Variants in MAP1A observed in about 807,000 individuals in gnomAD.
MAP1A encodes the protein microtubule associated protein 1A, also known as microtubule-associated protein 1A.
In MAP1A, 42 loss-of-function variants were observed where a neutral mutation model predicts 185.9. The ratio of observed to expected loss-of-function variants is 0.23; its 90% CI spans 0.18 to 0.29. The LOEUF (loss-of-function observed/expected upper bound fraction) is 0.29. Ranked by LOEUF, MAP1A falls within the 10% of genes least tolerant of loss-of-function variation. The probability of loss-of-function intolerance (pLI) is 1.00; values close to 1 mark genes in which losing one functional copy is unlikely to be tolerated. For missense variants in MAP1A, 2,995 were observed against 3,450.4 expected, an observed-to-expected ratio of 0.87 and a Z score of 3.31; for synonymous variants, 1,229 against 1,335.9, an observed-to-expected ratio of 0.92 and a Z score of 1.74.
rs754740781 is a variant in MAP1A, at chr15:43,528,219, G to A, written c.6746G>A (p.Arg2249Gln). The change falls in exon 4 of 6, where the codon CGA (arginine) becomes CAA (glutamine). Residue 2249 changes from arginine to glutamine, a missense_variant. Arg to Gln is a conservative substitution (Grantham distance 43, BLOSUM62 1). Coordinates refer to ENST00000300231, the MANE Select transcript of MAP1A (RefSeq NM_002373.6). The part of the protein sequence containing the change: ...PGAPLLSNLP[R>Q]PASPALSEGS... The stretch of plus-strand genomic sequence containing the variant: ...GCCCCTCTCCTCTCCAATCTGCCAC[G>A]ACCTGCCTCACCAGCCCTGTCTGAG... 6.8e-6 allele frequency: 11 copies of A among 1,613,976 alleles called. No homozygotes were observed. The highest frequency in any genetic ancestry group is 6.7e-5 in the East Asian group (3 of 44,880).
At chr15:43,512,998 G>A (rs769183004), upstream of MAP1A, among the ~76,000 whole-genome samples, 18 of 152,284 alleles carry the variant, frequency 1.2e-4, no homozygotes, top group Non-Finnish European at 2.2e-4. Flanking sequence ...CATGACAGAT[G>A]TCTGTGAGGT....
Position 43,526,525 on chromosome 15 carries a change from G to A in MAP1A, c.5052G>A (p.Arg1684=), listed in dbSNP as rs748672840. The stretch of plus-strand genomic sequence containing the variant: ...CTGAGCAGGACAATAGGTATTGGAG[G>A]GGCAGAGAGGATGTGGCCTTGGAAC... The part of the protein sequence containing the change: ...TSPEQDNRYW[R]GREDVALEQD... Residue 1684 remains arginine, a synonymous_variant, in exon 4 of 6, where the codon AGG becomes AGA. Coordinates refer to ENST00000300231, the MANE Select transcript of MAP1A (RefSeq NM_002373.6). The surrounding 1 kb of genome is among the most constrained non-coding windows in gnomAD (Gnocchi z 4.7). 6.2e-7 allele frequency: 1 copy of A among 1,614,124 alleles called. No individual in the cohort carries two copies. The highest frequency in any genetic ancestry group is 1.7e-5 in the Admixed American group (1 of 60,030).
In MAP1A at chr15:43,523,390, A is replaced by C. The variant is rs768447122; in HGVS notation, c.1917A>C (p.Glu639Asp). 6 of 1,612,394 alleles carry C rather than the reference A, an allele frequency of 3.7e-6. No individual in the cohort carries two copies. The African/African-American group carries it at 6.7e-5, about 18-fold the overall frequency. ...CAGAGAGGCTCCCAGACAGAACAGAAGCCAGAGAGGAAAGTGAACCTGAAG... is the reference window on the plus strand; with the variant it reads ...CAGAGAGGCTCCCAGACAGAACAGACGCCAGAGAGGAAAGTGAACCTGAAG... ...REAERLPDRT[E>D]AREESEPEVK... Residue 639 changes from glutamate (E) to aspartate (D), a missense_variant, in exon 4 of 6, where the codon GAA becomes GAC. Transcript: ENST00000300231.
chr15:43,518,559 T>C (rs1212058597), intron 1 of MAP1A, among the ~76,000 whole-genome samples: 1 of 151,558 alleles, frequency 6.6e-6, no homozygotes, highest in Admixed American at 6.6e-5. Flanking sequence ...CATGCTGGGG[T>C]GGGGGGTGGG....
chr15:43,516,353 G>A (rs2056754996), upstream of MAP1A, among the ~76,000 whole-genome samples: 1 of 152,262 alleles, frequency 6.6e-6, no homozygotes. Context: ...ATTAAGGGGG[G>A]ATGGGGGATG....
In MAP1A at chr15:43,528,475, G is replaced by A. The variant is rs773234642; in HGVS notation, c.7002G>A (p.Pro2334=). The A allele has an allele frequency of 3.9e-5, 63 of 1,613,342 alleles. No individual in the cohort carries two copies. The highest frequency in any genetic ancestry group is 3.3e-4 in the Admixed American group (20 of 60,006). Residue 2334 remains proline (P), a synonymous_variant, in exon 4 of 6, where the codon CCG becomes CCA. Coordinates refer to ENST00000300231, the MANE Select transcript of MAP1A (RefSeq NM_002373.6). ...LPGDMGDGIL[P]CHLECSEAAT... Reference sequence around the variant, plus strand: ...GAGACATGGGTGATGGCATCCTGCCGTGCCACCTGGAGTGCTCAGAGGCAG... The same window carrying A: ...GAGACATGGGTGATGGCATCCTGCCATGCCACCTGGAGTGCTCAGAGGCAG...
At chr15:43,516,792 C>G (rs1027728910), upstream of MAP1A, among the ~76,000 whole-genome samples, 1 of 152,156 alleles carries the variant, frequency 6.6e-6, no homozygotes, top group African/African-American at 2.4e-5. Context: ...AATAATTGGC[C>G]TACAACCTTG....
intron 1 of MAP1A, among the ~76,000 whole-genome samples, chr15:43,519,160 T>A (rs951232966): frequency 6.6e-6 from 1 of 152,168 alleles, no homozygotes; most frequent in Non-Finnish European, 1.5e-5. Context: ...AACCTTGATA[T>A]CCCTCACCTG....
In MAP1A at chr15:43,531,152, C is replaced by G. The variant is rs1425409485; in HGVS notation, c.*928C>G. Reference sequence around the variant, plus strand: ...CCCCAGCAATGTGTGACTCCCCCAACATTCCACTATGCCATCCTGCAGCTG... The same window carrying G: ...CCCCAGCAATGTGTGACTCCCCCAAGATTCCACTATGCCATCCTGCAGCTG... On this transcript the variant is annotated 3_prime_UTR_variant, in exon 6 of 6. Transcript: ENST00000300231. The G allele has an allele frequency of 6.5e-6, 1 of 152,812 alleles. No individual in the cohort carries two copies. The highest frequency in any genetic ancestry group is 1.9e-4 in the East Asian group (1 of 5,200). 9.5% of individuals were successfully genotyped at this position (152,812 alleles called of 1,614,324 possible).
At position 43,525,344 on chromosome 15, in the gene MAP1A, A is replaced by T. The variant is rs1376670105; in HGVS notation, c.3871A>T (p.Ser1291Cys). 3.7e-6 allele frequency: 6 copies of T among 1,614,082 alleles called. No homozygotes were observed. Among genetic ancestry groups the T allele is most frequent in the African/African-American group, 1.3e-5 (1 of 75,036 alleles). The change falls in exon 4 of 6, where the codon AGC (serine) becomes TGC (cysteine). Residue 1291 changes from serine (S) to cysteine (C), a missense_variant. This residue lies in a region of MAP1A where 2,728 missense variants were observed against 2,986.0 expected (regional missense o/e 0.91). Transcript: ENST00000300231. ...DDSLDRKSPA[S>C]SFSHSTPSGN... ...CAGCCTTGACAGGAAGTCACCTGCC[A>T]GCTCATTCTCTCACTCTACACCTTC...
rs1024104112 is a variant in MAP1A at position 43,527,205 on chromosome 15, A to C, written c.5732A>C (p.Lys1911Thr). 11 of 1,614,104 alleles carry C rather than the reference A, an allele frequency of 6.8e-6. No homozygotes were observed. Among genetic ancestry groups the C allele is most frequent in the African/African-American group, 1.3e-5 (1 of 75,046 alleles). The change falls in exon 4 of 6, where the codon AAG (lysine) becomes ACG (threonine). Residue 1911 changes from lysine to threonine, a missense_variant. This residue lies in a region of MAP1A where 2,728 missense variants were observed against 2,986.0 expected (regional missense o/e 0.91). Transcript: ENST00000300231. ...TCCCCCCTGGGGAAGGACTACCGCA[A>C]GGCTGAAGGGGAAAGGGAAGAAGAA... ...PYSPLGKDYR[K>T]AEGEREEEGR...
In MAP1A at chr15:43,529,042, G is replaced by A. The variant is rs764920520; in HGVS notation, c.7569G>A (p.Pro2523=). The change falls in exon 4 of 6, where the codon CCG becomes CCA. Residue 2523 remains proline, a synonymous_variant. Transcript: ENST00000300231. This position sits in a 1 kb window ranked among gnomAD's most constrained non-coding sequence, Gnocchi z 4.3. ...SDVPPETEEC[P]SITAEAALDS... is the part of the protein sequence containing the mutation. ...TCCCGCCAGAAACTGAGGAGTGTCC[G>A]TCCATCACAGCTGAGGCAGCCCTCG... The A allele has an allele frequency of 1.1e-5, 18 of 1,613,814 alleles. No homozygotes were observed. Among genetic ancestry groups the A allele is most frequent in the Non-Finnish European group, 1.2e-5 (14 of 1,179,982 alleles).
At position 43,526,177 on chromosome 15, in the gene MAP1A, C is replaced by T. The variant is rs771506180; in HGVS notation, c.4704C>T (p.Asn1568=). The T allele has an allele frequency of 6.2e-7, 1 of 1,613,752 alleles. No individual in the cohort carries two copies. The highest frequency in any genetic ancestry group is 2.2e-5 in the East Asian group (1 of 44,886). ...LGQKDEALEQ[N]IQALEENHQT... ...AGAAGGATGAAGCCCTGGAACAAAA[C>T]ATTCAGGCTCTGGAAGAGAACCACC... Residue 1568 remains asparagine (N), a synonymous_variant, in exon 4 of 6, where the codon AAC becomes AAT. Transcript: ENST00000300231. This position sits in a 1 kb window ranked among gnomAD's most constrained non-coding sequence, Gnocchi z 4.7.
chr15:43,513,103 G>T (rs1165910174), upstream of MAP1A, among the ~76,000 whole-genome samples: 2 of 152,078 alleles, frequency 1.3e-5, no homozygotes, highest in Non-Finnish European at 2.9e-5. Flanking sequence ...CTGAGGCGGG[G>T]AGATCACCTG....
intron 1 of MAP1A, among the ~76,000 whole-genome samples, chr15:43,519,939 G>A (rs1211106902): frequency 6.6e-6 from 1 of 152,212 alleles, no homozygotes; most frequent in Non-Finnish European, 1.5e-5. Context: ...GTTGGAGAGG[G>A]TGTTGTGAAA....
Position 43,521,406 on chromosome 15 carries a change from A to G in MAP1A, c.-68A>G. The G allele has an allele frequency of 1.2e-6, 2 of 1,614,016 alleles. No individual in the cohort carries two copies. The highest frequency in any genetic ancestry group is 1.7e-6 in the Non-Finnish European group (2 of 1,179,980). ...TGCTTAGGGGAAGGTGATTGGAGCC[A>G]CCTGGGATTATCCAGTTCCCAAGAG... On this transcript the variant is annotated 5_prime_UTR_variant, in exon 4 of 6. Transcript: ENST00000300231. The surrounding 1 kb of genome is among the most constrained non-coding windows in gnomAD (Gnocchi z 4.6).
intron 1 of MAP1A, among the ~76,000 whole-genome samples, chr15:43,511,427 C>A (rs2079277542): frequency 6.6e-6 from 1 of 152,216 alleles, no homozygotes; most frequent in South Asian, 2.1e-4. Context: ...ATCCTTACTG[C>A]ACACTCCATG....
At position 43,529,722 on chromosome 15, in the gene MAP1A, G is replaced by T; in HGVS notation, c.8108G>T (p.Ser2703Ile). Residue 2703 changes from serine to isoleucine, a missense_variant, in exon 5 of 6, where the codon AGT (serine) becomes ATT (isoleucine). Physicochemically the swap from Ser to Ile is moderately radical, Grantham distance 142 (BLOSUM62 -2). This residue lies in a region of MAP1A where 2,728 missense variants were observed against 2,986.0 expected (regional missense o/e 0.91). Transcript: ENST00000300231. The surrounding 1 kb of genome is among the most constrained non-coding windows in gnomAD (Gnocchi z 4.3). ...CTCGCCTACATCCCGAATCATTGCA[G>T]TGGCAAGACTGCTGACCTTGACTTC... ...VDLAYIPNHC[S>I]GKTADLDFFR... 1 of 1,613,596 alleles carries T rather than the reference G, an allele frequency of 6.2e-7. No homozygotes were observed. The highest frequency in any genetic ancestry group is 8.5e-7 in the Non-Finnish European group (1 of 1,179,876).
Position 43,522,785 on chromosome 15 carries a change from G to A in MAP1A, c.1312G>A (p.Glu438Lys). 6.5e-7 allele frequency: 1 copy of A among 1,544,858 alleles called. No homozygotes were observed. ...GCTCAAGAAGGATGAAGGAAGGAAG[G>A]AGGAGAAGAAGGATGCCAAGAAGGA... ...KELKKDEGRK[E>K]EKKDAKKEEK... Residue 438 changes from glutamate to lysine, a missense_variant, in exon 4 of 6, where the codon GAG becomes AAG. Transcript: ENST00000300231. This position sits in a 1 kb window ranked among gnomAD's most constrained non-coding sequence, Gnocchi z 5.9.
Sources: allele counts gnomAD v4.1 joint callset (sites outside exome capture counted in the v4.1 genomes callset), GRCh38; gene constraint gnomAD v4.1.1; regional missense constraint gnomAD v4.1.1; non-coding constraint Gnocchi (gnomAD v3.1); transcripts MANE v1.5; gene names NCBI Gene and HGNC (gene_info 2026-07-23, HGNC 2026-07-21).